WDR4: variants seen among roughly 807,000 people sequenced by gnomAD.
WDR4 encodes the protein WDR4 tRNA N7-guanosine methyltransferase non-catalytic subunit.
Under a neutral mutation model 48.6 loss-of-function variants are expected in WDR4, and 47 were observed. That is an observed-to-expected ratio of 0.97 (90% CI 0.77 to 1.23). The LOEUF (loss-of-function observed/expected upper bound fraction) is 1.23. WDR4 is among the 50% of genes most tolerant of loss of function. The pLI, the probability that WDR4 is intolerant of heterozygous loss-of-function variation, is 0.00. For missense variants in WDR4, 606 were observed against 551.6 expected, an observed-to-expected ratio of 1.10 and a Z score of -0.99; for synonymous variants, 268 against 230.0, an observed-to-expected ratio of 1.17 and a Z score of -1.49.
At position 42,849,680 on chromosome 21, in the gene WDR4, G is replaced by A. The variant is rs1374700966; in HGVS notation, c.*369C>T. On this transcript the variant is annotated 3_prime_UTR_variant, in exon 11 of 11. Transcript: ENST00000398208. ...TGAAAACATCCACCATGCCAGAAAC[G>A]TCAGCCCACAGATGCTCCTAGAGGA... 2 of 181,772 alleles carry A rather than the reference G, an allele frequency of 1.1e-5. No individual in the cohort carries two copies. The highest frequency in any genetic ancestry group is 6.3e-5 in the Admixed American group (1 of 15,848). The allele number at this position is 181,772 out of a possible 1,614,324, so 11.3% of individuals were successfully genotyped here. A position where few individuals can be genotyped will look rare whatever the true frequency, so the allele number is the denominator to read the frequency against.
rs749526593 is a variant in WDR4 at position 42,850,259 on chromosome 21, A to AGGACAGGTGCCAGGTG, written c.1046-33_1046-18dup. The AGGACAGGTGCCAGGTG allele has an allele frequency of 3.2e-6, 5 of 1,576,416 alleles. No homozygotes were observed. In the South Asian group the frequency reaches 5.8e-5, roughly 18 times the overall value. On this transcript the variant is annotated splice_polypyrimidine_tract_variant and intron_variant, in intron 10 of 10. Transcript: ENST00000398208. Reference sequence around the variant, plus strand: ...CGGCAGAGCCTGTGATGGGGGAACAAGGACAGGTGCCAGGTGGGGCAGGAA... The same window carrying AGGACAGGTGCCAGGTG: ...CGGCAGAGCCTGTGATGGGGGAACAAGGACAGGTGCCAGGTGGGACAGGTGCCAGGTGGGGCAGGAA...
At chr21:42,879,253 C>G (rs1601194709) in intron 1 of WDR4, 154 bp downstream of exon 1, 6 of 1,367,428 alleles carry the variant, frequency 4.4e-6, no homozygotes, top group Non-Finnish European at 5.7e-6. Context: ...GCGGCCAGGC[C>G]GAGACTGCGG....
At chr21:42,861,545 G>A (rs1380018409) in intron 5 of WDR4, among the ~76,000 whole-genome samples, 2 of 152,028 alleles carry the variant, frequency 1.3e-5, no homozygotes, top group South Asian at 2.1e-4. Flanking sequence ...GGGAGGGGCC[G>A]GGGGGCTGCA....
intron 10 of WDR4, 41 bp downstream of exon 10, chr21:42,852,214 T>C: frequency 1.2e-6 from 2 of 1,610,026 alleles, no homozygotes; most frequent in Non-Finnish European, 1.7e-6. Flanking sequence ...GGGACCGCGC[T>C]GGGTGTGACC....
chr21:42,845,380 A>G (rs1407003250), downstream of WDR4, among the ~76,000 whole-genome samples: 1 of 152,220 alleles, frequency 6.6e-6, no homozygotes, highest in Non-Finnish European at 1.5e-5. Flanking sequence ...GAAGAAACAC[A>G]GAAAGCTCTC....
rs1369103329 is a variant in WDR4 at position 42,853,635 on chromosome 21, C to T, written c.909G>A (p.Leu303=). The change falls in exon 9 of 11, where the codon CTG becomes CTA. Residue 303 remains leucine, a synonymous_variant. Coordinates refer to ENST00000398208, the MANE Select transcript of WDR4 (RefSeq NM_018669.6). ...WDVAFEETQG[L]WVLQDCQEAP... is the part of the protein sequence containing the mutation. ...CTTCCTGGCAGTCCTGGAGCACCCA[C>T]AGCCCCTGGGTCTCCTCGAAAGCCA... 2 of 1,607,020 alleles carry T rather than the reference C, an allele frequency of 1.2e-6. No individual in the cohort carries two copies. The highest frequency in any genetic ancestry group is 1.7e-6 in the Non-Finnish European group (2 of 1,177,780).
intron 3 of WDR4, among the ~76,000 whole-genome samples, chr21:42,872,305 T>C (rs1372961255): frequency 6.6e-6 from 1 of 152,176 alleles, no homozygotes; most frequent in East Asian, 1.9e-4. Context: ...GGGTTTTTAC[T>C]CTTCTCTTTG....
intron 3 of WDR4, among the ~76,000 whole-genome samples, chr21:42,866,104 T>C (rs1416797615): frequency 1.3e-5 from 2 of 152,070 alleles, no homozygotes; most frequent in African/African-American, 4.8e-5. Flanking sequence ...CAGACTCCAC[T>C]GGGAGGATTT....
intron 3 of WDR4, among the ~76,000 whole-genome samples, chr21:42,869,097 A>G (rs777892337): frequency 9.0e-4 from 137 of 152,142 alleles, no homozygotes; most frequent in Non-Finnish European, 1.7e-3. Flanking sequence ...GAGGAGGAGG[A>G]GGGCCTGGCC....
chr21:42,859,700 C>T lies in WDR4; in HGVS notation c.589G>A (p.Val197Met). 3 of 1,562,926 alleles carry T rather than the reference C, an allele frequency of 1.9e-6. No individual in the cohort carries two copies. Among genetic ancestry groups the T allele is most frequent in the Non-Finnish European group, 2.6e-6 (3 of 1,153,738 alleles). Residue 197 changes from valine (V) to methionine (M), a missense_variant, in exon 6 of 11, where the codon GTG becomes ATG. Physicochemically the swap from Val to Met is conservative, Grantham distance 21. Transcript: ENST00000398208. ...HTEFVSRISV[V>M]PTQPGLLLSS... ...AGAAGCAGCCCGGGCTGAGTTGGCA[C>T]CACGGAGATACGGCTCACAAACCTG...
At chr21:42,865,450 G>C (rs952957274) in intron 3 of WDR4, among the ~76,000 whole-genome samples, 1 of 152,160 alleles carries the variant, frequency 6.6e-6, no homozygotes, top group African/African-American at 2.4e-5. Context: ...CATCCCCCCA[G>C]CCTGGCTGGA....
At chr21:42,879,555 C>G (rs909678377), upstream of WDR4, 2 of 1,587,230 alleles carry the variant, frequency 1.3e-6, no homozygotes, top group African/African-American at 2.7e-5. Context: ...CCTGTCCGCA[C>G]CGGTCGGTGA....
upstream of WDR4, chr21:42,879,820 G>A (rs1405952908): frequency 2.4e-6 from 1 of 411,888 alleles, no homozygotes; most frequent in Non-Finnish European, 4.3e-6. Flanking sequence ...CTTTTTCCGC[G>A]GTAGCTGGAG....
intron 1 of WDR4, among the ~76,000 whole-genome samples, chr21:42,877,556 G>C (rs910117031): frequency 2.0e-5 from 3 of 150,568 alleles, no homozygotes; most frequent in Non-Finnish European, 4.4e-5. Context: ...TTGTATACTT[G>C]ACAAGAAAAC....
chr21:42,877,935 C>T (rs2058535427), intron 1 of WDR4, among the ~76,000 whole-genome samples: 1 of 151,156 alleles, frequency 6.6e-6, no homozygotes, highest in Admixed American at 6.6e-5. Context: ...GTCCCAACTA[C>T]TCGGGAGGCT....
At chr21:42,845,007 G>A (rs2057698655), downstream of WDR4, among the ~76,000 whole-genome samples, 1 of 152,236 alleles carries the variant, frequency 6.6e-6, no homozygotes, top group African/African-American at 2.4e-5. Context: ...GGAGGGTACA[G>A]GGAGGGCCCA....
chr21:42,889,838 C>G, the WDR4 span, among the ~76,000 whole-genome samples: 5 of 152,142 alleles, frequency 3.3e-5, no homozygotes, highest in Non-Finnish European at 7.3e-5. Flanking sequence ...ACCTCGGCCT[C>G]CTGGGTTCAC....
the WDR4 span, among the ~76,000 whole-genome samples, chr21:42,885,840 T>G: frequency 1.1e-4 from 16 of 151,904 alleles, no homozygotes; most frequent in Non-Finnish European, 2.1e-4. Flanking sequence ...GGACTACAGG[T>G]GTACATGACC....
At chr21:42,850,518 C>G (rs1217479055) in intron 10 of WDR4, among the ~76,000 whole-genome samples, 1 of 152,216 alleles carries the variant, frequency 6.6e-6, no homozygotes. Context: ...CGCCAGCACT[C>G]TCTGCTTGCA....
Sources: allele counts gnomAD v4.1 joint callset (sites outside exome capture counted in the v4.1 genomes callset), GRCh38; gene constraint gnomAD v4.1.1; transcripts MANE v1.5; gene names NCBI Gene and HGNC (gene_info 2026-07-23, HGNC 2026-07-21).